The following CAPNS1 variants were observed in gnomAD, a reference collection of about 807,000 sequenced individuals.
CAPNS1 encodes the protein CANP small subunit.
CAPNS1 carries 32 observed loss-of-function variants against 39.2 expected under a neutral mutation model. That is an observed-to-expected ratio of 0.82 (90% confidence interval 0.62 to 1.10). The LOEUF is 1.10. Ranked by LOEUF, CAPNS1 falls within the 50% of genes least tolerant of loss-of-function variation. The pLI is 0.00. For missense variants in CAPNS1, 353 were observed against 373.1 expected, an observed-to-expected ratio of 0.95 and a Z score of 0.44; for synonymous variants, 153 against 136.2, an observed-to-expected ratio of 1.12 and a Z score of -0.86.
chr19:36,145,905 C>G, intron 7 of CAPNS1, 31 bp downstream of exon 7: 1 of 1,612,906 alleles, frequency 6.2e-7, no homozygotes. Context: ...TCCCTGGCAC[C>G]CAGACCCCCA....
At chr19:36,144,176 CA>C (rs557328656) in intron 6 of CAPNS1, 1,385 of 65,372 alleles carry the variant, frequency 0.021, 11 homozygotes, top group Middle Eastern at 0.068. Flanking sequence ...GACTCCGTCT[CA>C]AAAAAAAAAA....
intron 9 of CAPNS1, 76 bp downstream of exon 9, chr19:36,146,388 A>G: frequency 2.2e-6 from 2 of 930,016 alleles, no homozygotes; most frequent in Non-Finnish European, 3.6e-6. Context: ...TCTAAGCCTG[A>G]CTTTGAGGTG....
Position 36,141,034 on chromosome 19 carries a change from T to C in CAPNS1, c.23T>C (p.Leu8Ser), listed in dbSNP as rs1974337491. The stretch of plus-strand genomic sequence containing the variant: ...GCCATGTTCCTGGTTAACTCGTTCT[T>C]GAAGGGCGGCGGCGGCGGCGGCGGG... Reference protein sequence around the residue: MFLVNSFLKGGGGGGGGG... With the variant: MFLVNSFSKGGGGGGGGG... Residue 8 changes from leucine to serine, a missense_variant, in exon 2 of 11, where the codon TTG becomes TCG. Transcript: ENST00000246533. 1 of 1,578,094 alleles carries C rather than the reference T, an allele frequency of 6.3e-7. No homozygotes were observed. Among genetic ancestry groups the C allele is most frequent in the African/African-American group, 1.4e-5 (1 of 71,280 alleles).
intron 2 of CAPNS1, chr19:36,141,663 G>A (rs1599876228): frequency 1.1e-6 from 1 of 936,516 alleles, no homozygotes; most frequent in Non-Finnish European, 1.3e-6. Flanking sequence ...GTGAGCCCAG[G>A]AGGAAGCAAG....
intron 6 of CAPNS1, among the ~76,000 whole-genome samples, chr19:36,144,943 T>C (rs1294929884): frequency 6.6e-6 from 1 of 152,222 alleles, no homozygotes; most frequent in Non-Finnish European, 1.5e-5. Flanking sequence ...AACTATGATC[T>C]TGGGTAGAGT....
intron 6 of CAPNS1, among the ~76,000 whole-genome samples, chr19:36,143,614 C>A (rs1974455838): frequency 6.6e-6 from 1 of 151,686 alleles, no homozygotes; most frequent in South Asian, 2.1e-4. Context: ...GTAATCCCAG[C>A]ACTTTGGGAG....
At position 36,145,804 on chromosome 19, in the gene CAPNS1, A is replaced by G. The variant is rs1334525335; in HGVS notation, c.457-2A>G. ...TCACTCTTCTTAACACCCTCCCACC[A>G]GAGCGACACCACAGGCAAGCTGGGC... On this transcript the variant is annotated splice_acceptor_variant, in intron 6 of 10. Transcript: ENST00000246533. LOFTEE classifies it high-confidence loss of function. 1 of 1,613,942 alleles carries G rather than the reference A, an allele frequency of 6.2e-7. No homozygotes were observed. Among genetic ancestry groups the G allele is most frequent in the Admixed American group, 1.7e-5 (1 of 60,006 alleles).
chr19:36,146,703 A>C (rs17882574), intron 9 of CAPNS1, among the ~76,000 whole-genome samples: 1 of 152,112 alleles, frequency 6.6e-6, no homozygotes, highest in African/African-American at 2.4e-5. Flanking sequence ...GGCTCACTGG[A>C]GAGGGAACAT....
At chr19:36,140,706 A>G in intron 1 of CAPNS1, 2 of 366,978 alleles carry the variant, frequency 5.4e-6, no homozygotes, top group Non-Finnish European at 9.8e-6. Context: ...GCCTTACGCC[A>G]ACTTGGGGTC....
At position 36,147,977 on chromosome 19, in the gene CAPNS1, A is replaced by T. The variant is rs538528739; in HGVS notation, c.722-1601A>T. On this transcript the variant is annotated intron_variant, in intron 9 of 10. Coordinates refer to ENST00000246533, the MANE Select transcript of CAPNS1 (RefSeq NM_001749.4). ...TCCCAGCTACTCAGGAGGTTTAGGG[A>T]GGGAGAATTGCTTGAACCCAGGAAG... is the stretch of plus-strand genomic sequence containing the variant. The T allele has an allele frequency of 4.6e-5, 7 of 151,604 alleles. No individual in the cohort carries two copies. The East Asian group carries it at 1.4e-3, about 30-fold the overall frequency. 9.4% of individuals were successfully genotyped at this position (151,604 alleles called of 1,614,324 possible). A position where few individuals can be genotyped will look rare whatever the true frequency, so the allele number is the denominator to read the frequency against.
At chr19:36,149,474 G>A (rs912536018) in intron 9 of CAPNS1, 104 bp from the exon 10 acceptor site, 11 of 1,130,564 alleles carry the variant, frequency 9.7e-6, no homozygotes, top group Non-Finnish European at 1.3e-5. Context: ...TCAGTGAAGT[G>A]CCAGCTGCTA....
rs377390614 is a variant in CAPNS1 at position 36,145,919 on chromosome 19, C to T, written c.525+45C>T. 2.2e-5 allele frequency: 35 copies of T among 1,612,190 alleles called. No individual in the cohort carries two copies. The African/African-American group carries it at 4.1e-4, about 19-fold the overall frequency. ...ATCCCTGGCACCCAGACCCCCAAGCCATGGAGACACTATGCCCCACAATGC... is the reference window on the plus strand; with the variant it reads ...ATCCCTGGCACCCAGACCCCCAAGCTATGGAGACACTATGCCCCACAATGC... On this transcript the variant is annotated intron_variant, in intron 7 of 10. Coordinates refer to ENST00000246533, the MANE Select transcript of CAPNS1 (RefSeq NM_001749.4).
chr19:36,148,775 T>C (rs1290361901), intron 9 of CAPNS1, among the ~76,000 whole-genome samples: 3 of 151,876 alleles, frequency 2.0e-5, no homozygotes, highest in Non-Finnish European at 4.4e-5. Context: ...ATCGTGCCAC[T>C]GCACTCCAGC....
chr19:36,141,456 T>C (rs1974371370), intron 2 of CAPNS1: 2 of 1,296,552 alleles, frequency 1.5e-6, no homozygotes, highest in Admixed American at 8.3e-5. Context: ...TCTGATTGTG[T>C]GGGACCAGGA....
At chr19:36,148,882 G>T (rs1974673406) in intron 9 of CAPNS1, among the ~76,000 whole-genome samples, 1 of 152,124 alleles carries the variant, frequency 6.6e-6, no homozygotes, top group African/African-American at 2.4e-5. Flanking sequence ...GAGGGTGGTG[G>T]TAACTGAGCG....
At chr19:36,149,530 C>T in intron 9 of CAPNS1, 48 bp from the exon 10 acceptor site, 5 of 1,429,998 alleles carry the variant, frequency 3.5e-6, no homozygotes, top group Non-Finnish European at 4.6e-6. Flanking sequence ...TGCCAAAAAC[C>T]AGTCTCCTTC....
chr19:36,149,758 A>AG, intron 10 of CAPNS1, 55 bp from the exon 11 acceptor site: 1 of 1,585,582 alleles, frequency 6.3e-7, no homozygotes, highest in Non-Finnish European at 8.6e-7. Context: ...GTGAGGGCAA[A>AG]GGGGCTGGTG....
chr19:36,149,342 AGGTGT>A (rs1974689841), intron 9 of CAPNS1, among the ~76,000 whole-genome samples: 1 of 152,140 alleles, frequency 6.6e-6, no homozygotes, highest in Admixed American at 6.5e-5. Context: ...TTGGGATTAT[AGGTGT>A]GAGCCACCAC....
Position 36,149,987 on chromosome 19 carries a change from G to T in CAPNS1, c.*148G>T. 4 of 715,684 alleles carry T rather than the reference G, an allele frequency of 5.6e-6. No individual in the cohort carries two copies. Among genetic ancestry groups the T allele is most frequent in the Non-Finnish European group, 8.1e-6 (4 of 494,006 alleles). The allele number at this position is 715,684 out of a possible 1,614,324, so 44.3% of individuals were successfully genotyped here. On this transcript the variant is annotated 3_prime_UTR_variant, in exon 11 of 11. Transcript: ENST00000246533. Reference sequence around the variant, plus strand: ...TTGTTCTCTCAGTACTTGTTACCCAGCTTCTCAACATCCAGGGCCCAATTT... The same window carrying T: ...TTGTTCTCTCAGTACTTGTTACCCATCTTCTCAACATCCAGGGCCCAATTT...
Sources: gnomAD v4.1 joint callset for allele counts (sites outside exome capture counted in the v4.1 genomes callset) on GRCh38, gnomAD v4.1.1 for gene constraint, MANE v1.5 for transcripts, NCBI Gene and HGNC (gene_info 2026-07-23, HGNC 2026-07-21) for gene names.